The following PRKCB variants were observed in gnomAD, a reference collection of about 807,000 sequenced individuals.
PRKCB encodes protein kinase C beta type.
Under a neutral mutation model 81.5 loss-of-function variants are expected in PRKCB, and 13 were observed. The ratio of observed to expected loss-of-function variants is 0.16; its 90% CI spans 0.10 to 0.25. The LOEUF is 0.25. Among genes scored for constraint, PRKCB ranks in the 10% least tolerant of loss-of-function variants. The pLI, the probability that PRKCB is intolerant of heterozygous loss-of-function variation, is 1.00. For synonymous variants in PRKCB, 335 were observed against 321.4 expected, an observed-to-expected ratio of 1.04 and a Z score of -0.45; for missense variants, 509 against 875.7, an observed-to-expected ratio of 0.58 and a Z score of 5.29.
chr16:23,855,440 C>G (rs1386015297), intron 2 of PRKCB, among the ~76,000 whole-genome samples: 2 of 152,072 alleles, frequency 1.3e-5, no homozygotes, highest in East Asian at 3.8e-4. Context: ...ACAACAAAAA[C>G]CACAAACAAA....
At chr16:23,958,276 G>A (rs1964376975) in intron 2 of PRKCB, among the ~76,000 whole-genome samples, 1 of 152,120 alleles carries the variant, frequency 6.6e-6, no homozygotes, top group African/African-American at 2.4e-5. Context: ...ACAAGTGTGA[G>A]CCACTGCGCC....
chr16:24,127,248 T>C (rs198193), intron 9 of PRKCB, among the ~76,000 whole-genome samples: 72,411 of 151,300 alleles, frequency 0.48, 17,650 homozygotes, highest in African/African-American at 0.56. Context: ...TCAGGTGATC[T>C]GCCTGCCTCA....
chr16:23,888,288 C>G (rs16972944), intron 2 of PRKCB, among the ~76,000 whole-genome samples: 1 of 152,090 alleles, frequency 6.6e-6, no homozygotes, highest in East Asian at 1.9e-4. Context: ...GACCAAACAG[C>G]GGAAGGCACA....
At chr16:23,991,713 C>T (rs1964888269) in intron 3 of PRKCB, among the ~76,000 whole-genome samples, 1 of 152,150 alleles carries the variant, frequency 6.6e-6, no homozygotes, top group Non-Finnish European at 1.5e-5. Flanking sequence ...TTGGCTTAGC[C>T]TTTGTCTGTG....
At chr16:24,060,211 G>A (rs1965955548) in intron 5 of PRKCB, among the ~76,000 whole-genome samples, 1 of 152,132 alleles carries the variant, frequency 6.6e-6, no homozygotes, top group African/African-American at 2.4e-5. Context: ...TGGGACTTTG[G>A]GCAAGTTAAT....
chr16:23,936,672 G>C (rs1466840306), intron 2 of PRKCB, among the ~76,000 whole-genome samples: 1 of 143,368 alleles, frequency 7.0e-6, no homozygotes, highest in Non-Finnish European at 1.5e-5. Flanking sequence ...CGATCCACCT[G>C]CCTTGGCCTC....
intron 5 of PRKCB, among the ~76,000 whole-genome samples, chr16:24,071,109 G>A (rs1966102098): frequency 6.6e-6 from 1 of 152,112 alleles, no homozygotes; most frequent in Admixed American, 6.5e-5. Context: ...CTGATGTGAG[G>A]ATGTGAGTTA....
Position 23,840,994 on chromosome 16 carries a change from A to G in PRKCB, c.205+3588A>G, listed in dbSNP as rs954663399. ...TGGGGCTGAAGATCCCTATTGTAAAATTGCCTAAATTCTAGAGTAGAAGTG... is the reference window on the plus strand; with the variant it reads ...TGGGGCTGAAGATCCCTATTGTAAAGTTGCCTAAATTCTAGAGTAGAAGTG... On this transcript the variant is annotated intron_variant, in intron 2 of 16. Transcript: ENST00000643927. Among the ~76,000 whole-genome samples, 5 of 152,180 alleles carry G rather than the reference A, an allele frequency of 3.3e-5. No individual in the cohort carries two copies. In the South Asian group the frequency reaches 1.0e-3, roughly 31 times the overall value.
intron 2 of PRKCB, among the ~76,000 whole-genome samples, chr16:23,908,826 C>T (rs1963608040): frequency 6.6e-6 from 1 of 152,144 alleles, no homozygotes; most frequent in African/African-American, 2.4e-5. Flanking sequence ...CCTGGGCTTT[C>T]CCTTTATTTC....
intron 2 of PRKCB, among the ~76,000 whole-genome samples, chr16:23,968,783 G>A (rs1964520492): frequency 6.6e-6 from 1 of 152,184 alleles, no homozygotes; most frequent in African/African-American, 2.4e-5. Context: ...ACTGACCTTG[G>A]AAGGTTATTG....
chr16:23,953,830 T>G (rs1234058853), intron 2 of PRKCB, among the ~76,000 whole-genome samples: 1 of 151,388 alleles, frequency 6.6e-6, no homozygotes, highest in African/African-American at 2.4e-5. Context: ...AAGGAGCATA[T>G]AGTCAAAGAG....
chr16:23,890,197 C>T (rs1597230590), intron 2 of PRKCB, among the ~76,000 whole-genome samples: 1 of 152,152 alleles, frequency 6.6e-6, no homozygotes, highest in East Asian at 1.9e-4. Context: ...GAAGGAACAC[C>T]CTGACCTTTC....
chr16:24,045,929 G>A (rs1965758025), intron 5 of PRKCB, among the ~76,000 whole-genome samples: 1 of 152,252 alleles, frequency 6.6e-6, no homozygotes, highest in South Asian at 2.1e-4. Flanking sequence ...TGAACCTCCA[G>A]CCCCGCGTTG....
chr16:24,020,911 A>G (rs1965348645), intron 3 of PRKCB, among the ~76,000 whole-genome samples: 1 of 152,124 alleles, frequency 6.6e-6, no homozygotes, highest in Non-Finnish European at 1.5e-5. Context: ...ACTTCAGCCC[A>G]ACCAGATTTC....
intron 7 of PRKCB, chr16:24,099,849 C>A (rs184602673): frequency 6.8e-6 from 1 of 146,756 alleles, no homozygotes; most frequent in African/African-American, 2.4e-5. Flanking sequence ...GTGGCACATG[C>A]CTGTAATCTC....
At chr16:24,185,938 C>A (rs1028685130) in intron 15 of PRKCB, among the ~76,000 whole-genome samples, 1 of 152,190 alleles carries the variant, frequency 6.6e-6, no homozygotes, top group African/African-American at 2.4e-5. Flanking sequence ...GGCTATCTTG[C>A]CCTGCTCTGC....
chr16:24,104,057 G>A (rs888855271), intron 7 of PRKCB, among the ~76,000 whole-genome samples: 5 of 151,932 alleles, frequency 3.3e-5, no homozygotes, highest in African/African-American at 7.3e-5. Flanking sequence ...CGCCCGCCTC[G>A]GCCTCCCAAA....
At chr16:24,140,964 T>G (rs1966893216) in intron 9 of PRKCB, among the ~76,000 whole-genome samples, 1 of 152,202 alleles carries the variant, frequency 6.6e-6, no homozygotes, top group Non-Finnish European at 1.5e-5. Flanking sequence ...AAGGGCAGTT[T>G]GGAAGTCAAA....
intron 10 of PRKCB, among the ~76,000 whole-genome samples, chr16:24,156,518 A>T (rs536920416): frequency 1.3e-5 from 2 of 152,162 alleles, no homozygotes; most frequent in African/African-American, 4.8e-5. Context: ...CAAGTGATTC[A>T]CCTGCTTCGG....
Sources: gnomAD v4.1 joint callset for allele counts (sites outside exome capture counted in the v4.1 genomes callset) on GRCh38, gnomAD v4.1.1 for gene constraint, MANE v1.5 for transcripts, NCBI Gene and HGNC (gene_info 2026-07-23, HGNC 2026-07-21) for gene names.